Variants in ANGPT2 observed in about 807,000 individuals in gnomAD.
ANGPT2 encodes the protein angiopoietin-2.
In ANGPT2, 28 loss-of-function variants were observed where a neutral mutation model predicts 62.9. That is an observed-to-expected ratio of 0.44 (90% CI 0.33 to 0.61). The LOEUF (loss-of-function observed/expected upper bound fraction) is 0.61. Ranked by LOEUF, ANGPT2 falls within the 20% of genes least tolerant of loss-of-function variation. The pLI is 0.03. For synonymous variants in ANGPT2, 284 were observed against 207.8 expected (o/e 1.37, Z -3.15); for missense variants, 727 against 594.9 (o/e 1.22, Z -2.31).
In ANGPT2 at chr8:6,499,785, A is replaced by T; in HGVS notation, c.*3316T>A. 1 of 1,416,766 alleles carries T rather than the reference A, an allele frequency of 7.1e-7. No homozygotes were observed. Among genetic ancestry groups the T allele is most frequent in the Non-Finnish European group, 1.0e-6 (1 of 1,002,622 alleles). 87.8% of individuals were successfully genotyped at this position (1,416,766 alleles called of 1,614,324 possible). On this transcript the variant is annotated 3_prime_UTR_variant, in exon 9 of 9. Transcript: ENST00000629816. ...CACTTTTTGCTGTGTCTTCAAAGTGATTCTTGGTTTATTGCCTGCTAAGGC... is the reference window on the plus strand; with the variant it reads ...CACTTTTTGCTGTGTCTTCAAAGTGTTTCTTGGTTTATTGCCTGCTAAGGC...
chr8:6,545,545 G>A (rs1822432883), intron 1 of ANGPT2, among the ~76,000 whole-genome samples: 1 of 152,142 alleles, frequency 6.6e-6, no homozygotes, highest in Non-Finnish European at 1.5e-5. Context: ...AGAGAACTGT[G>A]GATTAAACCA....
rs542963208 is a variant in ANGPT2, at chr8:6,502,976, C to T, written c.*125G>A. ...GGCTCTAATCTGGAGCATGTGGGTC[C>T]CGTCAGCACCGAGCACACGCCCTCT... On this transcript the variant is annotated 3_prime_UTR_variant, in exon 9 of 9. Transcript: ENST00000629816. 8 of 1,106,984 alleles carry T rather than the reference C, an allele frequency of 7.2e-6. No homozygotes were observed. The African/African-American group carries it at 9.5e-5, about 13-fold the overall frequency. The allele number at this position is 1,106,984 out of a possible 1,614,324, so 68.6% of individuals were successfully genotyped here.
chr8:6,524,268 G>C (rs1340531375), intron 3 of ANGPT2, among the ~76,000 whole-genome samples: 1 of 152,112 alleles, frequency 6.6e-6, no homozygotes, highest in Non-Finnish European at 1.5e-5. Flanking sequence ...GCATCTTTAT[G>C]TTTCAGAATT....
chr8:6,529,113 G>C (rs1209021680), intron 2 of ANGPT2, among the ~76,000 whole-genome samples: 1 of 152,170 alleles, frequency 6.6e-6, no homozygotes, highest in African/African-American at 2.4e-5. Flanking sequence ...AGTCATGATT[G>C]GCCCAGTAGT....
chr8:6,511,480 A>G (rs1042378548), intron 7 of ANGPT2, among the ~76,000 whole-genome samples: 3 of 152,194 alleles, frequency 2.0e-5, no homozygotes, highest in African/African-American at 7.2e-5. Context: ...ATGAAATTCT[A>G]TTGATGCATT....
chr8:6,548,099 C>T (rs539889407), intron 1 of ANGPT2, among the ~76,000 whole-genome samples: 2 of 152,272 alleles, frequency 1.3e-5, no homozygotes, highest in African/African-American at 2.4e-5. Flanking sequence ...GAAGAACCTA[C>T]ATTGGAGTTT....
chr8:6,539,191 G>A (rs73507141), intron 1 of ANGPT2, among the ~76,000 whole-genome samples: 1 of 152,188 alleles, frequency 6.6e-6, no homozygotes, highest in Non-Finnish European at 1.5e-5. Context: ...CAGAGCCTGG[G>A]GGGTAGGCAC....
chr8:6,535,880 C>G (rs1297226592), intron 1 of ANGPT2, among the ~76,000 whole-genome samples: 1 of 143,130 alleles, frequency 7.0e-6, no homozygotes, highest in East Asian at 2.0e-4. Context: ...AAACCCATCT[C>G]TACAAAAAAT....
At position 6,521,268 on chromosome 8, in the gene ANGPT2, C is replaced by T. The variant is rs1817282686; in HGVS notation, c.709G>A (p.Ala237Thr). Reference protein sequence around the residue: ...IEELEKKIVTATVNNSVLQKQ... With the variant: ...IEELEKKIVTTTVNNSVLQKQ... ...TGAAGAACTGAATTATTCACCGTGG[C>T]AGTCACTATTTTTTTTTCTAGTTCT... The change falls in exon 4 of 9, where the codon GCC (alanine) becomes ACC (threonine). Residue 237 changes from alanine (A) to threonine (T), a missense_variant. Physicochemically the swap from Ala to Thr is moderately conservative, Grantham distance 58. Coordinates refer to ENST00000629816, the MANE Select transcript of ANGPT2 (RefSeq NM_001118887.2). 3 of 1,613,920 alleles carry T rather than the reference C, an allele frequency of 1.9e-6. No homozygotes were observed. The East Asian group carries it at 6.7e-5, about 36-fold the overall frequency.
intron 1 of ANGPT2, among the ~76,000 whole-genome samples, chr8:6,549,016 G>A (rs1289268080): frequency 3.3e-5 from 5 of 152,176 alleles, no homozygotes; most frequent in African/African-American, 4.8e-5. Context: ...TGGGCATCAC[G>A]GAATAAACAC....
intron 8 of ANGPT2, among the ~76,000 whole-genome samples, chr8:6,506,344 A>G (rs1813725023): frequency 6.6e-6 from 1 of 151,884 alleles, no homozygotes; most frequent in African/African-American, 2.4e-5. Context: ...CACAGGCAAG[A>G]CCACTCCACT....
chr8:6,534,598 C>G (rs1274331923), intron 1 of ANGPT2, among the ~76,000 whole-genome samples: 1 of 152,134 alleles, frequency 6.6e-6, no homozygotes, highest in African/African-American at 2.4e-5. Context: ...TGAACCAAAA[C>G]AGAGTAGACC....
intron 3 of ANGPT2, 69 bp from the exon 4 acceptor site, chr8:6,521,479 C>G: frequency 1.8e-6 from 2 of 1,124,148 alleles, no homozygotes; most frequent in Non-Finnish European, 2.5e-6. Context: ...TATTGAATTT[C>G]TACTTCTCCA....
In ANGPT2 at chr8:6,513,879, G is replaced by T. The variant is rs186572944; in HGVS notation, c.1030-35C>A. 44 of 1,566,160 alleles carry T rather than the reference G, an allele frequency of 2.8e-5. No individual in the cohort carries two copies. In the Admixed American group the frequency reaches 5.5e-4, roughly 20 times the overall value. On this transcript the variant is annotated intron_variant, in intron 6 of 8. Transcript: ENST00000629816. ...AAGTTGTTAAATTCAATTATTTCAT[G>T]TAATTTTTTCTTTGTATATTTGAAG...
chr8:6,499,845 C>T lies in ANGPT2; in HGVS notation c.*3256G>A, dbSNP rs375022779. ...TATAATAAATCTGCTTGTTGTGTCA[C>T]TTGCAGGTGCTATGGTCTTTAGAAT... On this transcript the variant is annotated 3_prime_UTR_variant, in exon 9 of 9. Transcript: ENST00000629816. 1.0e-4 allele frequency: 168 copies of T among 1,612,386 alleles called. No individual in the cohort carries two copies. The highest frequency in any genetic ancestry group is 1.3e-4 in the Non-Finnish European group (148 of 1,179,562).
intron 3 of ANGPT2, among the ~76,000 whole-genome samples, chr8:6,526,939 A>G (rs1223137709): frequency 6.6e-6 from 1 of 152,110 alleles, no homozygotes; most frequent in Non-Finnish European, 1.5e-5. Context: ...TATTAATATA[A>G]TCATGTTTAA....
chr8:6,506,622 C>T (rs956508019), intron 8 of ANGPT2, among the ~76,000 whole-genome samples: 1 of 152,002 alleles, frequency 6.6e-6, no homozygotes, highest in Non-Finnish European at 1.5e-5. Context: ...CCCTGCTGTT[C>T]AGCTTTAAAA....
chr8:6,509,165 T>C (rs1209696382), intron 7 of ANGPT2, 103 bp from the exon 8 acceptor site: 1 of 1,455,592 alleles, frequency 6.9e-7, no homozygotes, highest in Non-Finnish European at 9.3e-7. Context: ...AAGCGTGTTC[T>C]GTACTCGTTA....
intron 1 of ANGPT2, among the ~76,000 whole-genome samples, chr8:6,556,289 A>G (rs1395772279): frequency 6.6e-6 from 1 of 152,196 alleles, no homozygotes; most frequent in African/African-American, 2.4e-5. Flanking sequence ...TCATATAATT[A>G]TACCTGATAT....
Sources: gnomAD v4.1 joint callset for allele counts (sites outside exome capture counted in the v4.1 genomes callset) on GRCh38, gnomAD v4.1.1 for gene constraint, MANE v1.5 for transcripts, NCBI Gene and HGNC (gene_info 2026-07-23, HGNC 2026-07-21) for gene names.